LATS1: variants seen among roughly 807,000 people sequenced by gnomAD.
The protein encoded by LATS1 is serine/threonine-protein kinase LATS1.
LATS1 carries 25 observed loss-of-function variants against 106.6 expected under a neutral mutation model. That is an observed-to-expected ratio of 0.23 (90% confidence interval 0.17 to 0.33). The LOEUF (loss-of-function observed/expected upper bound fraction) is 0.33, where lower values mean the gene tolerates loss of function less well. Ranked by LOEUF, LATS1 falls within the 10% of genes least tolerant of loss-of-function variation. LATS1 has a pLI of 1.00. For missense variants in LATS1, 1,040 were observed against 1,382.6 expected (o/e 0.75, Z 3.93); for synonymous variants, 465 against 455.6 (o/e 1.02, Z -0.26).
At chr6:149,712,486 T>C (rs921149682) in intron 1 of LATS1, among the ~76,000 whole-genome samples, 2 of 151,136 alleles carry the variant, frequency 1.3e-5, no homozygotes, top group Non-Finnish European at 3.0e-5. Flanking sequence ...TGTGAGCCAC[T>C]GCGCCCAGCC....
rs1195303449 is a variant in LATS1 at position 149,661,795 on chromosome 6, C to A, written c.3327G>T (p.Gln1109His). The A allele has an allele frequency of 2.5e-6, 4 of 1,607,300 alleles. No homozygotes were observed. ...YEYINSQGSEQQSDEDDQNTG... is the reference protein window; with the variant it reads ...YEYINSQGSEHQSDEDDQNTG... Reference sequence around the variant, plus strand: ...TGTTTTGATCATCTTCATCCGACTGCTGCTCTGAGCCTTGTGAATTAATGT... The same window carrying A: ...TGTTTTGATCATCTTCATCCGACTGATGCTCTGAGCCTTGTGAATTAATGT... The change falls in exon 8 of 8, where the codon CAG (glutamine) becomes CAT (histidine). Residue 1109 changes from glutamine (Q) to histidine (H), a missense_variant. Transcript: ENST00000543571.
intron 1 of LATS1, among the ~76,000 whole-genome samples, chr6:149,715,494 C>A (rs1036105008): frequency 6.6e-6 from 1 of 152,054 alleles, no homozygotes; most frequent in Non-Finnish European, 1.5e-5. Flanking sequence ...GTTCTGAGTT[C>A]AGGTGGTAAG....
At position 149,685,543 on chromosome 6, in the gene LATS1, G is replaced by A. The variant is rs191024121; in HGVS notation, c.497-951C>T. 7.3e-3 allele frequency among the ~76,000 whole-genome samples: 1,116 copies of A among 152,086 alleles called. 22 individuals carry two copies. The highest frequency in any genetic ancestry group is 0.026 in the African/African-American group (1,082 of 41,522). The stretch of plus-strand genomic sequence containing the variant: ...TGGGACTACAGGCGCACGCCACCAC[G>A]CCCAGCTAACTTTTGTATTTTTAGT... On this transcript the variant is annotated intron_variant, in intron 3 of 7. Coordinates refer to ENST00000543571, the MANE Select transcript of LATS1 (RefSeq NM_004690.4).
At chr6:149,663,237 C>T (rs1459868603) in intron 7 of LATS1, among the ~76,000 whole-genome samples, 2 of 152,158 alleles carry the variant, frequency 1.3e-5, no homozygotes, top group African/African-American at 4.8e-5. Context: ...AATCCTAGCA[C>T]TTTGGGAGGC....
intron 2 of LATS1, among the ~76,000 whole-genome samples, chr6:149,700,639 C>T (rs996670562): frequency 1.3e-5 from 2 of 151,680 alleles, no homozygotes; most frequent in Non-Finnish European, 2.9e-5. Context: ...AAAAAACAAA[C>T]AGTGAAGGAA....
Position 149,683,058 on chromosome 6 carries a change from G to T in LATS1, c.2010+21C>A, listed in dbSNP as rs749508560. ...CAAACAGATGATTAAGTATAAAAAT[G>T]GACATTTTAAAAGGTTTTACCCGCA... On this transcript the variant is annotated intron_variant, in intron 4 of 7. Coordinates refer to ENST00000543571, the MANE Select transcript of LATS1 (RefSeq NM_004690.4). 5.1e-6 allele frequency: 8 copies of T among 1,573,116 alleles called. No homozygotes were observed. In the African/African-American group the frequency reaches 8.2e-5, roughly 16 times the overall value.
At chr6:149,669,189 A>G (rs1012938848) in intron 7 of LATS1, among the ~76,000 whole-genome samples, 1 of 151,508 alleles carries the variant, frequency 6.6e-6, no homozygotes, top group Non-Finnish European at 1.5e-5. Flanking sequence ...GCTGGAGTGC[A>G]GTGGCGCCAT....
chr6:149,687,064 T>C (rs1290722710), intron 3 of LATS1, among the ~76,000 whole-genome samples: 3 of 151,852 alleles, frequency 2.0e-5, no homozygotes, highest in Non-Finnish European at 4.4e-5. Context: ...CTTTATTAAG[T>C]AGCAACCTCA....
At chr6:149,687,113 C>A (rs1782427579) in intron 3 of LATS1, among the ~76,000 whole-genome samples, 1 of 148,302 alleles carries the variant, frequency 6.7e-6, no homozygotes, top group Non-Finnish European at 1.5e-5. Flanking sequence ...TTTTTTGAGA[C>A]AGAGACTTGC....
intron 4 of LATS1, 24 bp downstream of exon 4, chr6:149,683,055 A>G (rs983661698): frequency 1.3e-6 from 2 of 1,572,816 alleles, no homozygotes; most frequent in South Asian, 2.3e-5. Context: ...TAAGTATAAA[A>G]ATGGACATTT....
intron 3 of LATS1, among the ~76,000 whole-genome samples, chr6:149,688,301 T>G (rs1194924498): frequency 6.6e-6 from 1 of 151,850 alleles, no homozygotes; most frequent in Non-Finnish European, 1.5e-5. Context: ...AATATTTGGG[T>G]TTTTTGTTTG....
chr6:149,706,864 A>C (rs1783800187), intron 1 of LATS1, among the ~76,000 whole-genome samples: 1 of 152,150 alleles, frequency 6.6e-6, no homozygotes, highest in African/African-American at 2.4e-5. Flanking sequence ...GTGAGAGGAT[A>C]AATTTATGTT....
Position 149,707,321 on chromosome 6 carries a change from TCA to T in LATS1, c.-140-5057_-140-5056del, listed in dbSNP as rs201669810. 4.7e-3 allele frequency among the ~76,000 whole-genome samples: 717 copies of T among 152,162 alleles called. 5 individuals are homozygous for T. Among genetic ancestry groups the T allele is most frequent in the African/African-American group, 0.016 (679 of 41,518 alleles). On this transcript the variant is annotated intron_variant, in intron 1 of 7. Transcript: ENST00000543571. The stretch of plus-strand genomic sequence containing the variant: ...GAGCCACTGTGCCCGGCCGGACATC[TCA>T]TTCTTTTACATAATCATGGGGAATT...
At chr6:149,693,538 G>C (rs1336512891) in intron 3 of LATS1, among the ~76,000 whole-genome samples, 2 of 145,198 alleles carry the variant, frequency 1.4e-5, no homozygotes, top group East Asian at 4.4e-4. Flanking sequence ...TGAACCCAGG[G>C]GGTGGAGGTT....
Position 149,680,158 on chromosome 6 carries a change from A to G in LATS1, c.2310T>C (p.Tyr770=). The G allele has an allele frequency of 6.2e-7, 1 of 1,614,128 alleles. No homozygotes were observed. The highest frequency in any genetic ancestry group is 8.5e-7 in the Non-Finnish European group (1 of 1,179,974). ...ATAAATTGTCCTTATCTTGGAATGA[A>G]TAATATAGACGAACTACCCATTCAT... is the stretch of plus-strand genomic sequence containing the variant. ...ADNEWVVRLY[Y]SFQDKDNLYF... Residue 770 remains tyrosine (Y), a synonymous_variant, in exon 5 of 8, where the codon TAT becomes TAC. Transcript: ENST00000543571.
Position 149,662,138 on chromosome 6 carries a change from C to A in LATS1, c.2984G>T (p.Arg995Leu). Residue 995 changes from arginine (R) to leucine (L), a missense_variant, in exon 8 of 8, where the codon CGC becomes CTC. By Grantham distance (102) the Arg-to-Leu change is moderately radical (BLOSUM62 -2). Around this residue, in one of 7 missense-constraint regions of LATS1, gnomAD observed 113 missense variants for 146.3 expected, o/e 0.77. Transcript: ENST00000543571. ...TTCATCAGCACCATTCTTGCCTAAG[C>A]GATCTTCGGGTCCTCGGCAAAGTTT... is the stretch of plus-strand genomic sequence containing the variant. ...IIKLCRGPED[R>L]LGKNGADEIK... 6.2e-7 allele frequency: 1 copy of A among 1,614,042 alleles called. No individual in the cohort carries two copies. The highest frequency in any genetic ancestry group is 8.5e-7 in the Non-Finnish European group (1 of 1,180,016).
At chr6:149,666,445 G>A (rs924347897) in intron 7 of LATS1, among the ~76,000 whole-genome samples, 12 of 149,206 alleles carry the variant, frequency 8.0e-5, no homozygotes, top group African/African-American at 2.0e-4. Flanking sequence ...GTGAAACCCC[G>A]TCTCTACTAA....
chr6:149,705,131 A>G (rs775732086), intron 1 of LATS1, among the ~76,000 whole-genome samples: 20 of 152,060 alleles, frequency 1.3e-4, no homozygotes, highest in Non-Finnish European at 1.8e-4. Context: ...AAAATTGCAC[A>G]TATTCTATCT....
intron 7 of LATS1, among the ~76,000 whole-genome samples, chr6:149,674,458 G>A (rs557299376): frequency 6.1e-4 from 93 of 152,208 alleles, no homozygotes; most frequent in African/African-American, 2.0e-3. Flanking sequence ...TCACTGCAAC[G>A]TCTCCTAGGC....
Sources: allele counts gnomAD v4.1 joint callset (sites outside exome capture counted in the v4.1 genomes callset), GRCh38; gene constraint gnomAD v4.1.1; regional missense constraint gnomAD v4.1.1; transcripts MANE v1.5; gene names NCBI Gene and HGNC (gene_info 2026-07-23, HGNC 2026-07-21).